The following AHCYL2 variants were observed in gnomAD, a reference collection of about 807,000 sequenced individuals.
AHCYL2 encodes S-adenosylhomocysteine hydrolase-like protein 2.
Under a neutral mutation model 81.4 loss-of-function variants are expected in AHCYL2, and 28 were observed. The ratio of observed to expected loss-of-function variants is 0.34; its 90% CI spans 0.25 to 0.47. AHCYL2 has a LOEUF of 0.47. Among genes scored for constraint, AHCYL2 ranks in the 20% least tolerant of loss-of-function variants. The pLI, the probability that AHCYL2 is intolerant of heterozygous loss-of-function variation, is 1.00. For missense variants in AHCYL2, 551 were observed against 785.1 expected (o/e 0.70, Z 3.56); for synonymous variants, 272 against 290.2 (o/e 0.94, Z 0.64).
intron 1 of AHCYL2, among the ~76,000 whole-genome samples, chr7:129,304,924 T>C (rs1379038816): frequency 1.3e-5 from 2 of 150,286 alleles, no homozygotes; most frequent in Non-Finnish European, 2.9e-5. Flanking sequence ...TGCCATTTTA[T>C]TTGTTTTCTG....
At chr7:129,317,661 G>T (rs530050263) in intron 1 of AHCYL2, among the ~76,000 whole-genome samples, 5 of 152,310 alleles carry the variant, frequency 3.3e-5, no homozygotes, top group African/African-American at 1.2e-4. Context: ...TAGGCAAAGA[G>T]TGCTTTCAGT....
chr7:129,277,278 C>CGTTTTTTTTTTTTTTTT (rs35753023), intron 1 of AHCYL2, among the ~76,000 whole-genome samples: 2 of 135,792 alleles, frequency 1.5e-5, no homozygotes, highest in African/African-American at 2.7e-5. Context: ...AAGTCTCTCT[C>CGTTTTTTTTTTTTTTTT]TTTTTTTTTT....
chr7:129,413,494 A>T, intron 11 of AHCYL2, 100 bp from the exon 12 acceptor site: 1 of 979,540 alleles, frequency 1.0e-6, no homozygotes, highest in East Asian at 2.5e-5. Flanking sequence ...AGAATTCCTT[A>T]TAACAAGTCC....
chr7:129,392,636 T>G (rs1247321645), intron 4 of AHCYL2, among the ~76,000 whole-genome samples: 1 of 152,226 alleles, frequency 6.6e-6, no homozygotes, highest in Admixed American at 6.5e-5. Context: ...GTGTGTATTT[T>G]CTACAAAGAA....
At chr7:129,321,410 T>C (rs1489620187) in intron 1 of AHCYL2, among the ~76,000 whole-genome samples, 1 of 152,228 alleles carries the variant, frequency 6.6e-6, no homozygotes, top group Admixed American at 6.5e-5. Flanking sequence ...CTGCACCTAT[T>C]GAGATGACTG....
intron 1 of AHCYL2, among the ~76,000 whole-genome samples, chr7:129,344,192 T>G (rs1161655387): frequency 6.6e-6 from 1 of 152,180 alleles, no homozygotes; most frequent in Non-Finnish European, 1.5e-5. Context: ...CAGTTTATTA[T>G]AAATTTAATA....
chr7:129,411,587 C>T (rs1464592088), intron 11 of AHCYL2, among the ~76,000 whole-genome samples: 1 of 150,662 alleles, frequency 6.6e-6, no homozygotes, highest in Non-Finnish European at 1.5e-5. Context: ...TGGTGAAACC[C>T]CGTCTCTACT....
intron 1 of AHCYL2, among the ~76,000 whole-genome samples, chr7:129,299,070 A>G (rs1306379495): frequency 2.0e-5 from 3 of 152,152 alleles, no homozygotes; most frequent in African/African-American, 7.2e-5. Context: ...TGAATTTGAT[A>G]CAATTTCCAT....
At chr7:129,287,850 C>G (rs547822852) in intron 1 of AHCYL2, among the ~76,000 whole-genome samples, 8 of 152,156 alleles carry the variant, frequency 5.3e-5, no homozygotes, top group Non-Finnish European at 1.2e-4. Context: ...ATCATGTACT[C>G]CATTACTCAC....
rs920112065 is a variant in AHCYL2 at position 129,406,454 on chromosome 7, C to T, written c.1283C>T (p.Ala428Val). The T allele has an allele frequency of 6.2e-7, 1 of 1,613,918 alleles. No individual in the cohort carries two copies. The highest frequency in any genetic ancestry group is 8.5e-7 in the Non-Finnish European group (1 of 1,179,934). Residue 428 changes from alanine (A) to valine (V), a missense_variant, in exon 10 of 17, where the codon GCC becomes GTC. Transcript: ENST00000325006. This position sits in a 1 kb window ranked among gnomAD's most constrained non-coding sequence, Gnocchi z 4.3. ...VYVTEIDPIC[A>V]LQACMDGFRL... The stretch of plus-strand genomic sequence containing the variant: ...GTAACTGAAATTGACCCCATCTGTG[C>T]CCTGCAAGCCTGGTAAGCCTCTACG...
chr7:129,263,405 A>G (rs1041884665), intron 1 of AHCYL2, among the ~76,000 whole-genome samples: 2 of 152,200 alleles, frequency 1.3e-5, no homozygotes, highest in African/African-American at 4.8e-5. Context: ...CTTGATATCA[A>G]CTGGACCAGT....
At chr7:129,279,760 A>G (rs574663500) in intron 1 of AHCYL2, among the ~76,000 whole-genome samples, 1 of 152,346 alleles carries the variant, frequency 6.6e-6, no homozygotes, top group African/African-American at 2.4e-5. Flanking sequence ...CATTTCCCAC[A>G]ACTAAGGGGT....
chr7:129,385,460 C>T (rs930772719), intron 2 of AHCYL2, among the ~76,000 whole-genome samples: 1 of 152,202 alleles, frequency 6.6e-6, no homozygotes, highest in Non-Finnish European at 1.5e-5. Flanking sequence ...AATGTGTATA[C>T]ATGTTCTGTG....
chr7:129,291,942 T>C (rs1357618646), intron 1 of AHCYL2, among the ~76,000 whole-genome samples: 1 of 151,136 alleles, frequency 6.6e-6, no homozygotes, highest in Non-Finnish European at 1.5e-5. Context: ...TATGGCTAAG[T>C]TTTTTTTTAA....
chr7:129,369,329 A>G (rs1023907084), intron 1 of AHCYL2, among the ~76,000 whole-genome samples: 12 of 152,210 alleles, frequency 7.9e-5, no homozygotes, highest in African/African-American at 2.7e-4. Flanking sequence ...CACTATGGAA[A>G]ACTAGTTAGA....
chr7:129,297,958 G>A (rs895170335), intron 1 of AHCYL2, among the ~76,000 whole-genome samples: 2 of 152,224 alleles, frequency 1.3e-5, no homozygotes, highest in African/African-American at 4.8e-5. Context: ...GAGCTGGGGA[G>A]GTTGAGGCTG....
At chr7:129,411,965 T>A in intron 11 of AHCYL2, among the ~76,000 whole-genome samples, 1 of 152,214 alleles carries the variant, frequency 6.6e-6, no homozygotes, top group East Asian at 1.9e-4. Context: ...CTATGAACAT[T>A]GAATACAAGT....
chr7:129,397,257 G>A lies in AHCYL2; in HGVS notation c.756G>A (p.Gln252=). The A allele has an allele frequency of 6.2e-7, 1 of 1,614,186 alleles. No homozygotes were observed. The highest frequency in any genetic ancestry group is 8.5e-7 in the Non-Finnish European group (1 of 1,180,030). ...LMETLGALGA[Q]CRWAACNIYS... ...AAACTCTGGGTGCTCTGGGGGCCCA[G>A]TGCCGATGGGCTGCCTGCAACATCT... Residue 252 remains glutamine, a synonymous_variant, in exon 5 of 17, where the codon CAG becomes CAA. Coordinates refer to ENST00000325006, the MANE Select transcript of AHCYL2 (RefSeq NM_015328.4).
intron 1 of AHCYL2, among the ~76,000 whole-genome samples, chr7:129,346,002 TA>T (rs1216526849): frequency 6.6e-6 from 1 of 152,074 alleles, no homozygotes; most frequent in Non-Finnish European, 1.5e-5. Flanking sequence ...CTGGGCTGTC[TA>T]AGTAGAGATT....
Sources: gnomAD v4.1 joint callset for allele counts (sites outside exome capture counted in the v4.1 genomes callset) on GRCh38, gnomAD v4.1.1 for gene constraint, Gnocchi (gnomAD v3.1) non-coding constraint, MANE v1.5 for transcripts, NCBI Gene and HGNC (gene_info 2026-07-23, HGNC 2026-07-21) for gene names.